Variants in PTPRN2 observed in about 807,000 individuals in gnomAD.
The protein encoded by PTPRN2 is protein tyrosine phosphatase receptor type N2, also known as receptor-type tyrosine-protein phosphatase N2.
A neutral mutation model predicts 118.8 loss-of-function variants in PTPRN2; 74 were observed. That is an observed-to-expected ratio of 0.62 (90% CI 0.52 to 0.76). The LOEUF is 0.76. Among genes scored for constraint, PTPRN2 ranks in the 30% least tolerant of loss-of-function variants. PTPRN2 has a pLI of 0.00. For synonymous variants in PTPRN2, 641 were observed against 608.0 expected, an observed-to-expected ratio of 1.05 and a Z score of -0.80; for missense variants, 1,481 against 1,394.4, an observed-to-expected ratio of 1.06 and a Z score of -0.99.
chr7:158,424,216 C>T (rs1281576407), intron 2 of PTPRN2, among the ~76,000 whole-genome samples: 2 of 152,150 alleles, frequency 1.3e-5, no homozygotes, highest in Non-Finnish European at 2.9e-5. Context: ...CACCTGGCAC[C>T]ATCCCGTTCT....
chr7:158,192,414 G>A lies in PTPRN2; in HGVS notation c.462C>T (p.His154=). The A allele has an allele frequency of 6.5e-7, 1 of 1,543,014 alleles. No individual in the cohort carries two copies. Among genetic ancestry groups the A allele is most frequent in the Non-Finnish European group, 8.7e-7 (1 of 1,154,822 alleles). ...GGGACAGGGCCTCCAGGAAGGGCAG[G>A]TGGCGTCGGAGGGCGTTGGCCAGGG... ...GAALANALRR[H]LPFLEALSQA... is the part of the protein sequence containing the mutation. The change falls in exon 5 of 23, where the codon CAC becomes CAT. Residue 154 remains histidine (H), a synonymous_variant. Coordinates refer to ENST00000389418, the MANE Select transcript of PTPRN2 (RefSeq NM_002847.5).
chr7:157,581,294 A>G (rs1348772868), intron 17 of PTPRN2, among the ~76,000 whole-genome samples: 1 of 152,224 alleles, frequency 6.6e-6, no homozygotes, highest in Non-Finnish European at 1.5e-5. Context: ...AGGAAAACTG[A>G]TACTCCCCAG....
intron 14 of PTPRN2, among the ~76,000 whole-genome samples, chr7:157,628,669 C>T (rs963699225): frequency 3.9e-5 from 6 of 152,158 alleles, no homozygotes; most frequent in African/African-American, 1.4e-4. Context: ...TCTATGTTCC[C>T]AAGGAGGTTT....
chr7:157,793,122 T>C (rs910177799), intron 12 of PTPRN2, among the ~76,000 whole-genome samples: 5 of 152,020 alleles, frequency 3.3e-5, no homozygotes, highest in Non-Finnish European at 5.9e-5. Context: ...CATCTGCAGC[T>C]GCGGTTGTGG....
chr7:157,902,335 G>A (rs1254828741), intron 11 of PTPRN2, among the ~76,000 whole-genome samples: 1 of 152,166 alleles, frequency 6.6e-6, no homozygotes, highest in African/African-American at 2.4e-5. Flanking sequence ...TGGAGAGCAC[G>A]TGGGGACCAG....
intron 3 of PTPRN2, among the ~76,000 whole-genome samples, chr7:158,310,256 G>A (rs918000803): frequency 5.3e-5 from 8 of 152,158 alleles, no homozygotes; most frequent in African/African-American, 9.7e-5. Context: ...AGCCTCCTTC[G>A]CCATGGATGA....
At chr7:158,243,502 C>G (rs907608589) in intron 3 of PTPRN2, among the ~76,000 whole-genome samples, 4 of 152,228 alleles carry the variant, frequency 2.6e-5, no homozygotes, top group Non-Finnish European at 4.4e-5. Flanking sequence ...GAGATGGTTA[C>G]TCGTGTTTTC....
chr7:157,631,160 C>A (rs2150669240), intron 14 of PTPRN2, among the ~76,000 whole-genome samples: 2 of 152,270 alleles, frequency 1.3e-5, no homozygotes, highest in Non-Finnish European at 2.9e-5. Flanking sequence ...CATTTCCATT[C>A]TTTGCCTTGT....
intron 3 of PTPRN2, among the ~76,000 whole-genome samples, chr7:158,281,587 G>A (rs574624603): frequency 4.9e-4 from 75 of 152,330 alleles, no homozygotes; most frequent in African/African-American, 1.8e-3. Flanking sequence ...GGTGTGTGGT[G>A]TGCGTGGTGC....
chr7:157,842,184 G>C (rs919851083), intron 12 of PTPRN2, among the ~76,000 whole-genome samples: 2 of 152,018 alleles, frequency 1.3e-5, no homozygotes, highest in Admixed American at 1.3e-4. Flanking sequence ...TTGTGCGTGG[G>C]GCTGTGAATC....
At chr7:157,736,456 C>T (rs562706771) in intron 12 of PTPRN2, among the ~76,000 whole-genome samples, 5 of 152,294 alleles carry the variant, frequency 3.3e-5, no homozygotes, top group Admixed American at 1.3e-4. Flanking sequence ...AGAGACACCC[C>T]GTGCCTGCAC....
At chr7:158,026,315 G>A (rs1807264340) in intron 11 of PTPRN2, among the ~76,000 whole-genome samples, 1 of 152,166 alleles carries the variant, frequency 6.6e-6, no homozygotes, top group Non-Finnish European at 1.5e-5. Flanking sequence ...AGATTCAGGA[G>A]GAGATGGTCT....
Position 157,868,386 on chromosome 7 carries a change from C to T in PTPRN2, c.1788+30287G>A, listed in dbSNP as rs1810847814. Among the ~76,000 whole-genome samples, 1 of 152,210 alleles carries T rather than the reference C, an allele frequency of 6.6e-6. No individual in the cohort carries two copies. Among genetic ancestry groups the T allele is most frequent in the Non-Finnish European group, 1.5e-5 (1 of 68,046 alleles). ...CGTAGGACACCAGGACATTGGATCT[C>T]TGCGGGGCAGCAGCTCATGGCCCAG... On this transcript the variant is annotated intron_variant, in intron 12 of 22. Transcript: ENST00000389418. This position sits in a 1 kb window ranked among gnomAD's most constrained non-coding sequence, Gnocchi z 5.2.
At chr7:158,074,947 G>A (rs1435277260) in intron 11 of PTPRN2, among the ~76,000 whole-genome samples, 3 of 152,352 alleles carry the variant, frequency 2.0e-5, no homozygotes, top group Middle Eastern at 3.4e-3. Flanking sequence ...TGGTTTAGCA[G>A]TATCCCCGAG....
In PTPRN2 at chr7:157,737,787, C is replaced by G. The variant is rs112182971; in HGVS notation, c.1789-54850G>C. 6.2e-3 allele frequency among the ~76,000 whole-genome samples: 939 copies of G among 152,370 alleles called. 9 individuals carry two copies. Among genetic ancestry groups the G allele is most frequent in the African/African-American group, 0.022 (900 of 41,594 alleles). On this transcript the variant is annotated intron_variant, in intron 12 of 22. Transcript: ENST00000389418. Reference sequence around the variant, plus strand: ...CCAGCCACCAAGGCCACAAGGCCGGCTTAGAAGGTCTGGAAGAGCCTGACT... The same window carrying G: ...CCAGCCACCAAGGCCACAAGGCCGGGTTAGAAGGTCTGGAAGAGCCTGACT...
chr7:158,323,940 C>T (rs36064654), intron 2 of PTPRN2, among the ~76,000 whole-genome samples: 61,945 of 151,608 alleles, frequency 0.41, 12,841 homozygotes, highest in Middle Eastern at 0.48. Context: ...CACACTCACA[C>T]GCACCCACGT....
rs749886375 is a variant in PTPRN2 at position 157,788,374 on chromosome 7, C to CAAAAAAA, written c.1789-105444_1789-105438dup. ...TGGGAAACAGAATGAGACTCCATCT[C>CAAAAAAA]AAAAAAAAAAAAAAAAAAGAAAGTA... On this transcript the variant is annotated intron_variant, in intron 12 of 22. Transcript: ENST00000389418. Among the ~76,000 whole-genome samples the CAAAAAAA allele has an allele frequency of 3.6e-3, 272 of 75,282 alleles. 1 individual carries two copies. Among genetic ancestry groups the CAAAAAAA allele is most frequent in the Admixed American group, 9.7e-3 (62 of 6,388 alleles). 49.4% of individuals were successfully genotyped at this position (75,282 alleles called of 152,430 possible). A position where few individuals can be genotyped will look rare whatever the true frequency, so the allele number is the denominator to read the frequency against.
At chr7:158,213,846 C>G (rs1299641116) in intron 3 of PTPRN2, among the ~76,000 whole-genome samples, 4 of 151,964 alleles carry the variant, frequency 2.6e-5, no homozygotes, top group Non-Finnish European at 5.9e-5. Flanking sequence ...ACAAAAAGAA[C>G]TTTTCATGAA....
intron 3 of PTPRN2, among the ~76,000 whole-genome samples, chr7:158,280,689 C>T (rs1033405051): frequency 1.7e-4 from 26 of 150,938 alleles, no homozygotes; most frequent in Non-Finnish European, 4.4e-5. Context: ...GTTTCTCCAC[C>T]GTCATTAAAC....
Sources: gnomAD v4.1 joint callset for allele counts (sites outside exome capture counted in the v4.1 genomes callset) on GRCh38, gnomAD v4.1.1 for gene constraint, Gnocchi (gnomAD v3.1) non-coding constraint, MANE v1.5 for transcripts, NCBI Gene and HGNC (gene_info 2026-07-23, HGNC 2026-07-21) for gene names.